Variants in UBA6 observed in about 807,000 individuals in gnomAD.
The protein encoded by UBA6 is ubiquitin-like modifier-activating enzyme 6.
Under a neutral mutation model 148.3 loss-of-function variants are expected in UBA6, and 87 were observed. The observed-to-expected ratio is 0.59, with a 90% confidence interval of 0.49 to 0.70. UBA6 has a LOEUF of 0.70. UBA6 is among the 30% of genes least tolerant of loss of function. UBA6 has a pLI of 0.00. For missense variants in UBA6, 1,186 were observed against 1,241.2 expected, an observed-to-expected ratio of 0.96 and a Z score of 0.67; for synonymous variants, 376 against 401.0, an observed-to-expected ratio of 0.94 and a Z score of 0.75.
At position 67,645,584 on chromosome 4, in the gene UBA6, G is replaced by A. The variant is rs573237471; in HGVS notation, c.1395+354C>T. ...TGCATTCCAGCCTGAGTGACAGAGC[G>A]AGACTTTGTCTCAGAAAAAAAAAAA... On this transcript the variant is annotated intron_variant, in intron 16 of 32. Coordinates refer to ENST00000322244, the MANE Select transcript of UBA6 (RefSeq NM_018227.6). 2.1e-3 allele frequency among the ~76,000 whole-genome samples: 312 copies of A among 150,450 alleles called. 2 individuals carry two copies. Among genetic ancestry groups the A allele is most frequent in the African/African-American group, 7.1e-3 (291 of 40,968 alleles).
rs181165708 is a variant in UBA6, at chr4:67,619,532, C to T, written c.3024-400G>A. Among the ~76,000 whole-genome samples, 30 of 152,166 alleles carry T rather than the reference C, an allele frequency of 2.0e-4. 1 individual carries two copies. Among genetic ancestry groups the T allele is most frequent in the Admixed American group, 1.8e-3 (27 of 15,294 alleles). On this transcript the variant is annotated intron_variant, in intron 32 of 32. Transcript: ENST00000322244. ...CTCTGCTAAAAATACAAAAACGAGA[C>T]GGGAACAGTGGCACATGCCCGTAAT...
chr4:67,648,193 G>C (rs1305598927), intron 14 of UBA6, among the ~76,000 whole-genome samples: 5 of 151,706 alleles, frequency 3.3e-5, no homozygotes, highest in African/African-American at 1.2e-4. Flanking sequence ...AATGAGCCGG[G>C]CGCAGTGGCT....
intron 17 of UBA6, among the ~76,000 whole-genome samples, chr4:67,643,734 G>C (rs1729359395): frequency 6.6e-6 from 1 of 152,026 alleles, no homozygotes; most frequent in South Asian, 2.1e-4. Flanking sequence ...GTTTCCAGTA[G>C]TATAGAAGCA....
At chr4:67,646,882 G>GA (rs1410596828) in intron 14 of UBA6, 91 bp from the exon 15 acceptor site, 35 of 573,446 alleles carry the variant, frequency 6.1e-5, no homozygotes, top group Non-Finnish European at 8.2e-5. Flanking sequence ...TAGTCATGAA[G>GA]AAAAAAATGA....
chr4:67,700,682 A>C (rs764755908), intron 1 of UBA6, among the ~76,000 whole-genome samples: 1 of 152,098 alleles, frequency 6.6e-6, no homozygotes, highest in Admixed American at 6.5e-5. Context: ...TTTTTACGGA[A>C]AGGAGGAAAG....
Position 67,678,422 on chromosome 4 carries a change from C to T in UBA6, c.353+17G>A. 2.7e-6 allele frequency: 4 copies of T among 1,476,808 alleles called. No homozygotes were observed. The highest frequency in any genetic ancestry group is 3.7e-6 in the Non-Finnish European group (4 of 1,085,250). 91.5% of individuals were successfully genotyped at this position (1,476,808 alleles called of 1,614,324 possible). A position where few individuals can be genotyped will look rare whatever the true frequency, so the allele number is the denominator to read the frequency against. Reference sequence around the variant, plus strand: ...AAATTTAAAAAAACTCATGATAATACATCAAAATATCTTTACCTGTTTCTC... The same window carrying T: ...AAATTTAAAAAAACTCATGATAATATATCAAAATATCTTTACCTGTTTCTC... On this transcript the variant is annotated intron_variant, in intron 5 of 32. Coordinates refer to ENST00000322244, the MANE Select transcript of UBA6 (RefSeq NM_018227.6).
Position 67,634,325 on chromosome 4 carries a change from G to GT in UBA6, c.1933-4dup, listed in dbSNP as rs1729082252. 1 of 1,578,050 alleles carries GT rather than the reference G, an allele frequency of 6.3e-7. No individual in the cohort carries two copies. Among genetic ancestry groups the GT allele is most frequent in the Non-Finnish European group, 8.5e-7 (1 of 1,169,974 alleles). On this transcript the variant is annotated splice_polypyrimidine_tract_variant and splice_region_variant and intron_variant, in intron 21 of 32. Coordinates refer to ENST00000322244, the MANE Select transcript of UBA6 (RefSeq NM_018227.6). ...TTGTGGGAAAAGGAACTTTCAAACT[G>GT]TAACAGAGAAAAGAAAAAAAAAATT...
At chr4:67,672,060 C>CT (rs1319547079) in intron 7 of UBA6, among the ~76,000 whole-genome samples, 1 of 151,900 alleles carries the variant, frequency 6.6e-6, no homozygotes, top group African/African-American at 2.4e-5. Flanking sequence ...ACTCTTTTGT[C>CT]TAAGATACCA....
At chr4:67,635,143 G>T (rs1729106126) in intron 20 of UBA6, among the ~76,000 whole-genome samples, 1 of 151,966 alleles carries the variant, frequency 6.6e-6, no homozygotes, top group South Asian at 2.1e-4. Flanking sequence ...TGTCTTTGTT[G>T]ACAGTTCTAG....
intron 23 of UBA6, 31 bp downstream of exon 23, chr4:67,633,314 C>T: frequency 3.3e-6 from 5 of 1,536,236 alleles, no homozygotes; most frequent in Non-Finnish European, 4.4e-6. Context: ...AAGATCAGAC[C>T]TTTTCTTAAT....
At chr4:67,619,843 T>C (rs1728712493) in intron 32 of UBA6, among the ~76,000 whole-genome samples, 1 of 152,106 alleles carries the variant, frequency 6.6e-6, no homozygotes, top group South Asian at 2.1e-4. Flanking sequence ...CTGCCTTAAA[T>C]GAAGTCATCA....
At position 67,655,803 on chromosome 4, in the gene UBA6, A is replaced by G. The variant is rs921461394; in HGVS notation, c.1104+6386T>C. On this transcript the variant is annotated intron_variant, in intron 13 of 32. Transcript: ENST00000322244. ...TGATAGACTGCTAGCAAGACTAATA[A>G]AGAAGAAAAGAGAGAAGAATCAAAT... 1.8e-4 allele frequency among the ~76,000 whole-genome samples: 28 copies of G among 152,198 alleles called. 1 individual carries two copies. The highest frequency in any genetic ancestry group is 1.7e-3 in the Admixed American group (26 of 15,280).
chr4:67,679,702 T>A (rs1730384686), intron 4 of UBA6, among the ~76,000 whole-genome samples: 1 of 152,078 alleles, frequency 6.6e-6, no homozygotes, highest in Non-Finnish European at 1.5e-5. Flanking sequence ...AAAATCCTAA[T>A]AAGATACAAA....
At chr4:67,688,904 C>T (rs1730632074) in intron 2 of UBA6, among the ~76,000 whole-genome samples, 1 of 151,868 alleles carries the variant, frequency 6.6e-6, no homozygotes, top group Non-Finnish European at 1.5e-5. Flanking sequence ...TAAATACTAA[C>T]TAAATTTCAA....
chr4:67,635,612 C>T (rs1729119803), intron 19 of UBA6, 54 bp from the exon 20 acceptor site: 2 of 1,095,648 alleles, frequency 1.8e-6, no homozygotes, highest in Admixed American at 3.4e-5. Context: ...AACAATGTAA[C>T]CAAAGGACAA....
Position 67,620,386 on chromosome 4 carries a change from G to A in UBA6, c.3024-1254C>T, listed in dbSNP as rs142891241. ...AAATGAAATCTACCCTGAACTAGAG[G>A]TCTGAGTTAGCACAATACTCTGTAA... On this transcript the variant is annotated intron_variant, in intron 32 of 32. Transcript: ENST00000322244. Among the ~76,000 whole-genome samples, 1,132 of 152,232 alleles carry A rather than the reference G, an allele frequency of 7.4e-3. 13 individuals carry two copies. Among genetic ancestry groups the A allele is most frequent in the African/African-American group, 0.026 (1,080 of 41,532 alleles).
At chr4:67,648,095 T>G (rs1729464142) in intron 14 of UBA6, among the ~76,000 whole-genome samples, 1 of 151,772 alleles carries the variant, frequency 6.6e-6, no homozygotes, top group East Asian at 1.9e-4. Flanking sequence ...TTAAACCAGA[T>G]TTTTACTAAT....
chr4:67,684,947 T>A (rs1422579270), intron 2 of UBA6, among the ~76,000 whole-genome samples: 1 of 152,194 alleles, frequency 6.6e-6, no homozygotes, highest in African/African-American at 2.4e-5. Flanking sequence ...TAGGAATACA[T>A]AAGCACCTAG....
At position 67,629,103 on chromosome 4, in the gene UBA6, C is replaced by A; in HGVS notation, c.2368G>T (p.Val790Leu). 1 of 1,610,032 alleles carries A rather than the reference C, an allele frequency of 6.2e-7. No individual in the cohort carries two copies. Residue 790 changes from valine to leucine, a missense_variant, in exon 27 of 33, where the codon GTA becomes TTA. By Grantham distance (32) the Val-to-Leu change is conservative (BLOSUM62 1). Transcript: ENST00000322244. ...ADALLNILSE[V>L]KIQEFKPSNK... ...GAAGGCTTGAATTCCTGAATCTTTACTTCTGAAAGAATATTCAAGAGGGCA... is the reference window on the plus strand; with the variant it reads ...GAAGGCTTGAATTCCTGAATCTTTAATTCTGAAAGAATATTCAAGAGGGCA...
Sources: allele counts gnomAD v4.1 joint callset (sites outside exome capture counted in the v4.1 genomes callset), GRCh38; gene constraint gnomAD v4.1.1; transcripts MANE v1.5; gene names NCBI Gene and HGNC (gene_info 2026-07-23, HGNC 2026-07-21).